Variants in RIN2 observed in about 807,000 individuals in gnomAD.
RIN2 encodes the protein RAB5 interacting protein 2.
In RIN2, 36 loss-of-function variants were observed where a neutral mutation model predicts 78.0. The ratio of observed to expected loss-of-function variants is 0.46; its 90% CI spans 0.35 to 0.61. The LOEUF is 0.61. Ranked by LOEUF, RIN2 falls within the 20% of genes least tolerant of loss-of-function variation. RIN2 has a pLI of 0.00. For missense variants in RIN2, 1,087 were observed against 1,159.7 expected (o/e 0.94, Z 0.91); for synonymous variants, 466 against 466.8 (o/e 1.00, Z 0.02).
At chr20:19,829,501 A>G (rs2036190600) in intron 2 of RIN2, among the ~76,000 whole-genome samples, 1 of 152,208 alleles carries the variant, frequency 6.6e-6, no homozygotes, top group Non-Finnish European at 1.5e-5. Flanking sequence ...TACGTTGTAT[A>G]CTGGGCTTCT....
At chr20:19,996,416 C>T (rs1212644622) in intron 11 of RIN2, among the ~76,000 whole-genome samples, 1 of 152,142 alleles carries the variant, frequency 6.6e-6, no homozygotes, top group African/African-American at 2.4e-5. Flanking sequence ...AAACAGGAAC[C>T]TTGTCAGCCT....
chr20:19,994,032 C>T (rs1167631662), intron 11 of RIN2, among the ~76,000 whole-genome samples: 1 of 152,216 alleles, frequency 6.6e-6, no homozygotes, highest in Non-Finnish European at 1.5e-5. Context: ...TGCCCCTTTC[C>T]CAGATTGGCC....
At chr20:19,989,308 C>CT (rs2042722719) in intron 9 of RIN2, among the ~76,000 whole-genome samples, 1 of 133,542 alleles carries the variant, frequency 7.5e-6, no homozygotes, top group Non-Finnish European at 1.5e-5. Flanking sequence ...GAGTATCACT[C>CT]TGTCACCCAG....
At chr20:19,801,354 T>TGGAGTG (rs2035235826) in intron 2 of RIN2, among the ~76,000 whole-genome samples, 1 of 151,968 alleles carries the variant, frequency 6.6e-6, no homozygotes, top group African/African-American at 2.4e-5. Flanking sequence ...AGAGTCTTGC[T>TGGAGTG]CTGTCACCCA....
At position 19,773,915 on chromosome 20, in the gene RIN2, T is replaced by C. The variant is rs535305209; in HGVS notation, c.-163+15588T>C. Among the ~76,000 whole-genome samples, 60 of 148,924 alleles carry C rather than the reference T, an allele frequency of 4.0e-4. No homozygotes were observed. The East Asian group carries it at 0.01, about 25-fold the overall frequency. ...ATGATAAATATTATAAAATATTATA[T>C]ATATATAATAAAGATAAAGGAAATA... On this transcript the variant is annotated intron_variant, in intron 1 of 12. Transcript: ENST00000255006.
Position 19,886,725 on chromosome 20 carries a change from G to C in RIN2, c.-36-2841G>C, listed in dbSNP as rs1403688955. ...TTACCCTTCAGGGAAGCCAGGAAAA[G>C]AACAAGCTTCCAACCGGTACAAGTC... On this transcript the variant is annotated intron_variant, in intron 2 of 12. Transcript: ENST00000255006. The C allele has an allele frequency of 1.3e-6, 2 of 1,545,690 alleles. No homozygotes were observed. The highest frequency in any genetic ancestry group is 4.9e-5 in the East Asian group (2 of 40,560).
intron 12 of RIN2, 80 bp from the exon 13 acceptor site, chr20:20,000,533 A>T: frequency 3.6e-6 from 4 of 1,117,870 alleles, no homozygotes; most frequent in Non-Finnish European, 5.2e-6. Flanking sequence ...GCTTACAGTT[A>T]CCCCCTCCCC....
intron 2 of RIN2, among the ~76,000 whole-genome samples, chr20:19,854,571 A>G (rs1276979736): frequency 6.6e-6 from 1 of 152,146 alleles, no homozygotes; most frequent in Non-Finnish European, 1.5e-5. Context: ...AGTGGTTTGT[A>G]GTTCTCCTTG....
chr20:19,918,446 C>T (rs1600797629), intron 3 of RIN2, among the ~76,000 whole-genome samples: 2 of 151,628 alleles, frequency 1.3e-5, no homozygotes, highest in Admixed American at 1.3e-4. Context: ...AAAGCTGGCT[C>T]CAAATGGGGC....
intron 2 of RIN2, among the ~76,000 whole-genome samples, chr20:19,851,900 C>A (rs1017852161): frequency 6.6e-6 from 1 of 152,142 alleles, no homozygotes; most frequent in African/African-American, 2.4e-5. Context: ...CTCACACTTA[C>A]GTATGCAGGC....
intron 3 of RIN2, among the ~76,000 whole-genome samples, chr20:19,894,642 C>T (rs1031940245): frequency 1.3e-4 from 20 of 152,190 alleles, no homozygotes; most frequent in Non-Finnish European, 2.8e-4. Flanking sequence ...GCCCTTCTTT[C>T]CTATCCTATA....
chr20:19,759,679 A>G (rs1310703166), intron 1 of RIN2, among the ~76,000 whole-genome samples: 1 of 152,188 alleles, frequency 6.6e-6, no homozygotes, highest in Non-Finnish European at 1.5e-5. Context: ...AGCCTGGCCA[A>G]CAGGGTGAAA....
At chr20:19,937,444 G>T (rs890071561) in intron 4 of RIN2, among the ~76,000 whole-genome samples, 12 of 152,126 alleles carry the variant, frequency 7.9e-5, no homozygotes, top group African/African-American at 2.9e-4. Flanking sequence ...GTGTGAGCTG[G>T]GATAGGGAGT....
At chr20:19,769,290 A>G (rs1433608103) in intron 1 of RIN2, among the ~76,000 whole-genome samples, 1 of 152,184 alleles carries the variant, frequency 6.6e-6, no homozygotes, top group Admixed American at 6.6e-5. Flanking sequence ...AGGGTAAGTA[A>G]TGAATAGGAT....
At chr20:19,840,470 G>A (rs926548656) in intron 2 of RIN2, among the ~76,000 whole-genome samples, 4 of 152,160 alleles carry the variant, frequency 2.6e-5, no homozygotes, top group African/African-American at 9.7e-5. Context: ...TTTTTAAAGC[G>A]CAAACACACA....
intron 9 of RIN2, among the ~76,000 whole-genome samples, chr20:19,980,091 AG>A (rs1453425227): frequency 6.8e-6 from 1 of 147,644 alleles, no homozygotes; most frequent in African/African-American, 2.5e-5. Flanking sequence ...GTAGCCAGGG[AG>A]GCATGTTAGT....
chr20:19,975,713 A>G lies in RIN2; in HGVS notation c.1688A>G (p.Gln563Arg). 1 of 1,613,590 alleles carries G rather than the reference A, an allele frequency of 6.2e-7. No individual in the cohort carries two copies. The change falls in exon 9 of 13, where the codon CAG becomes CGG. Residue 563 changes from glutamine to arginine, a missense_variant. Transcript: ENST00000255006. This position sits in a 1 kb window ranked among gnomAD's most constrained non-coding sequence, Gnocchi z 4.9. ...MLQTIRQFMT[Q>R]VKNYLSQSSE... ...CAGACCATCCGGCAGTTCATGACCC[A>G]GGTCAAGAACTATTTGTCTCAGAGC...
intron 2 of RIN2, among the ~76,000 whole-genome samples, chr20:19,864,006 G>A (rs184428619): frequency 1.6e-4 from 24 of 150,934 alleles, no homozygotes; most frequent in African/African-American, 5.2e-4. Context: ...ATTGGTTCTC[G>A]GGGGTGGGTG....
intron 3 of RIN2, among the ~76,000 whole-genome samples, chr20:19,905,047 C>T (rs1157417497): frequency 6.6e-6 from 1 of 152,226 alleles, no homozygotes; most frequent in East Asian, 1.9e-4. Context: ...CTCTCCCAAG[C>T]TCTTCCAGCC....
Sources: gnomAD v4.1 joint callset for allele counts (sites outside exome capture counted in the v4.1 genomes callset) on GRCh38, gnomAD v4.1.1 for gene constraint, Gnocchi (gnomAD v3.1) non-coding constraint, MANE v1.5 for transcripts, NCBI Gene and HGNC (gene_info 2026-07-23, HGNC 2026-07-21) for gene names.